Variants in COX17 observed in about 807,000 individuals in gnomAD.
COX17 encodes the protein cytochrome c oxidase copper chaperone COX17, also known as cytochrome c oxidase copper chaperone.
Under a neutral mutation model 6.3 loss-of-function variants are expected in COX17, and 1 was observed. The observed-to-expected ratio is 0.16, with a 90% CI of 0.06 to 0.75. The LOEUF (loss-of-function observed/expected upper bound fraction) is 0.75. Among genes scored for constraint, COX17 ranks in the 30% least tolerant of loss-of-function variants. The pLI, the probability that COX17 is intolerant of heterozygous loss-of-function variation, is 0.77. For missense variants in COX17, 73 were observed against 81.2 expected, an observed-to-expected ratio of 0.90 and a Z score of 0.39; for synonymous variants, 26 against 30.5, an observed-to-expected ratio of 0.85 and a Z score of 0.49.
At chr3:119,675,053 G>T in intron 2 of COX17, 92 bp downstream of exon 2, 1 of 882,236 alleles carries the variant, frequency 1.1e-6, no homozygotes, top group Non-Finnish European at 1.8e-6. Context: ...AAGCATTTTA[G>T]ATTAACCAGG....
At chr3:119,670,752 TTGTGTGTGTGTGTG>T (rs10542008) in intron 2 of COX17, among the ~76,000 whole-genome samples, 9 of 149,598 alleles carry the variant, frequency 6.0e-5, no homozygotes, top group East Asian at 2.0e-4. Flanking sequence ...ATGATCAGTT[TTGTGTGTGTGTGTG>T]TGTGTGTGTG....
downstream of COX17, among the ~76,000 whole-genome samples, chr3:119,666,203 A>G (rs1166081113): frequency 6.6e-6 from 1 of 152,230 alleles, no homozygotes; most frequent in Non-Finnish European, 1.5e-5. Flanking sequence ...TTACTGGTCC[A>G]TAAAAATACA....
chr3:119,674,938 G>C (rs2053084333), intron 2 of COX17: 2 of 516,704 alleles, frequency 3.9e-6, no homozygotes, highest in Non-Finnish European at 3.4e-6. Context: ...TTTCTTAAAA[G>C]CTCAATTCTC....
At chr3:119,676,901 CCT>C (rs1559736155) in intron 1 of COX17, 7 of 702,812 alleles carry the variant, frequency 1.0e-5, no homozygotes, top group South Asian at 8.9e-5. Context: ...TTGCCGTTCT[CCT>C]CTCTCTCCAT....
intron 1 of COX17, among the ~76,000 whole-genome samples, chr3:119,676,487 T>G (rs1460009606): frequency 6.6e-6 from 1 of 152,226 alleles, no homozygotes; most frequent in South Asian, 2.1e-4. Flanking sequence ...AGAGGCTATA[T>G]AAAATGAGAA....
intron 3 of COX17, among the ~76,000 whole-genome samples, chr3:119,664,173 G>T (rs1294834031): frequency 6.6e-6 from 1 of 152,124 alleles, no homozygotes; most frequent in Non-Finnish European, 1.5e-5. Flanking sequence ...ACTTATGAGG[G>T]AGCAAATAAT....
At chr3:119,670,373 G>A (rs1200965594) in intron 2 of COX17, among the ~76,000 whole-genome samples, 1 of 152,034 alleles carries the variant, frequency 6.6e-6, no homozygotes, top group African/African-American at 2.4e-5. Context: ...ACTTCATTTG[G>A]TTTAAATAAA....
chr3:119,675,030 CA>C (rs2053085348), intron 2 of COX17, 114 bp downstream of exon 2: 5 of 708,820 alleles, frequency 7.1e-6, no homozygotes, highest in Non-Finnish European at 1.2e-5. Flanking sequence ...ATGGTTTTTT[CA>C]AATTGATACT....
intron 2 of COX17, among the ~76,000 whole-genome samples, chr3:119,673,902 C>T (rs1298252693): frequency 6.6e-6 from 1 of 152,090 alleles, no homozygotes; most frequent in Non-Finnish European, 1.5e-5. Flanking sequence ...TGCCCGGCTG[C>T]CCACTGTCTG....
At chr3:119,664,144 T>C (rs2052972410) in intron 3 of COX17, among the ~76,000 whole-genome samples, 1 of 152,230 alleles carries the variant, frequency 6.6e-6, no homozygotes, top group African/African-American at 2.4e-5. Context: ...TAAGTGTACT[T>C]AGGATTCAAA....
At chr3:119,668,672 A>C (rs1300281311), downstream of COX17, among the ~76,000 whole-genome samples, 2 of 152,024 alleles carry the variant, frequency 1.3e-5, no homozygotes, top group African/African-American at 4.8e-5. Context: ...TTAGGAAAGA[A>C]TCTTAAGGAA....
intron 1 of COX17, 200 bp downstream of exon 1, chr3:119,677,004 G>A (rs2053107458): frequency 7.5e-6 from 3 of 399,800 alleles, no homozygotes; most frequent in Admixed American, 4.6e-5. Context: ...GCGCCGCAAT[G>A]GGGCGGGGCG....
chr3:119,670,942 T>C (rs1182807920), intron 2 of COX17, among the ~76,000 whole-genome samples: 4 of 152,192 alleles, frequency 2.6e-5, no homozygotes, highest in Admixed American at 1.3e-4. Flanking sequence ...GGCAGGAAGA[T>C]AGTAGCCATC....
At chr3:119,677,072 A>C in intron 1 of COX17, 132 bp downstream of exon 1, 2 of 548,514 alleles carry the variant, frequency 3.6e-6, no homozygotes, top group Admixed American at 3.2e-5. Context: ...GGGGGAAGGA[A>C]GAGGGCAGAG....
chr3:119,666,939 G>A (rs2052998298), downstream of COX17: 1 of 152,100 alleles, frequency 6.6e-6, no homozygotes, highest in Non-Finnish European at 1.5e-5. Flanking sequence ...ACCAGCTATT[G>A]GATCAGGGTG....
chr3:119,677,101 G>A (rs1313654740), intron 1 of COX17, 103 bp downstream of exon 1: 4 of 860,198 alleles, frequency 4.7e-6, no homozygotes, highest in African/African-American at 1.7e-5. Flanking sequence ...GCAGAGGGCA[G>A]AGGGCAGAAG....
downstream of COX17, among the ~76,000 whole-genome samples, chr3:119,666,388 C>A (rs992705449): frequency 1.2e-4 from 18 of 152,266 alleles, no homozygotes; most frequent in East Asian, 3.3e-3. Flanking sequence ...AAATCAGTGA[C>A]CCTATGATAT....
chr3:119,667,170 T>C (rs1228579189), downstream of COX17, among the ~76,000 whole-genome samples: 4 of 152,130 alleles, frequency 2.6e-5, no homozygotes, highest in Non-Finnish European at 4.4e-5. Flanking sequence ...CCGTATTGAG[T>C]TGTCATTATT....
chr3:119,667,710 CACACACACACACACACACAG>C (rs1325299230), downstream of COX17, among the ~76,000 whole-genome samples: 3 of 111,372 alleles, frequency 2.7e-5, no homozygotes, highest in Admixed American at 9.1e-5. Context: ...CACACACACA[CACACACACACACACACACAG>C]AGAGAGAGAG....
Sources: allele counts gnomAD v4.1 joint callset (sites outside exome capture counted in the v4.1 genomes callset), GRCh38; gene constraint gnomAD v4.1.1; transcripts MANE v1.5; gene names NCBI Gene and HGNC (gene_info 2026-07-23, HGNC 2026-07-21).